IMMP2L: variants seen among roughly 807,000 people sequenced by gnomAD.
The protein encoded by IMMP2L is mitochondrial inner membrane protease subunit 2.
A neutral mutation model predicts 19.3 loss-of-function variants in IMMP2L; 18 were observed. The ratio of observed to expected loss-of-function variants is 0.93; its 90% CI spans 0.64 to 1.38. The LOEUF is 1.38. Ranked by LOEUF, IMMP2L falls within the 40% of genes most tolerant of loss-of-function variation. IMMP2L has a pLI of 0.00. For synonymous variants in IMMP2L, 76 were observed against 73.0 expected (o/e 1.04, Z -0.21); for missense variants, 233 against 218.2 (o/e 1.07, Z -0.43).
intron 2 of IMMP2L, among the ~76,000 whole-genome samples, chr7:111,492,819 A>C (rs961405527): frequency 6.6e-6 from 1 of 152,200 alleles, no homozygotes; most frequent in Admixed American, 6.5e-5. Flanking sequence ...GATTTTATAA[A>C]GGAAGCAACA....
chr7:111,017,065 C>CTTTATTTA (rs541160576), intron 3 of IMMP2L, among the ~76,000 whole-genome samples: 61 of 140,646 alleles, frequency 4.3e-4, no homozygotes, highest in South Asian at 6.5e-4. Flanking sequence ...ATATATGTGC[C>CTTTATTTA]TTTATTTATT....
chr7:110,991,123 T>A (rs530671019), intron 3 of IMMP2L, among the ~76,000 whole-genome samples: 3 of 152,284 alleles, frequency 2.0e-5, no homozygotes, highest in Admixed American at 6.5e-5. Flanking sequence ...TTTAGGATGA[T>A]CAATGCAAAG....
At chr7:111,241,067 C>G (rs780032590) in intron 3 of IMMP2L, among the ~76,000 whole-genome samples, 3 of 151,860 alleles carry the variant, frequency 2.0e-5, no homozygotes, top group Non-Finnish European at 4.4e-5. Flanking sequence ...TTTAAGATAA[C>G]AGTAACTTAG....
intron 5 of IMMP2L, among the ~76,000 whole-genome samples, chr7:110,859,048 G>A (rs541565811): frequency 6.6e-6 from 1 of 152,138 alleles, no homozygotes; most frequent in South Asian, 2.1e-4. Flanking sequence ...AAACAGATAA[G>A]CAACTGGTTG....
intron 3 of IMMP2L, among the ~76,000 whole-genome samples, chr7:111,023,202 T>C (rs1213955681): frequency 2.6e-5 from 4 of 152,204 alleles, no homozygotes; most frequent in African/African-American, 9.6e-5. Flanking sequence ...GCTTAACATC[T>C]GCAGTAATGT....
chr7:110,722,397 A>C (rs1584612961), intron 5 of IMMP2L, among the ~76,000 whole-genome samples: 1 of 152,098 alleles, frequency 6.6e-6, no homozygotes, highest in Admixed American at 6.6e-5. Flanking sequence ...TTAGAGGCAC[A>C]GGGAAGTTAA....
At chr7:111,445,073 C>T (rs977655046) in intron 3 of IMMP2L, among the ~76,000 whole-genome samples, 12 of 151,964 alleles carry the variant, frequency 7.9e-5, no homozygotes, top group African/African-American at 1.9e-4. Flanking sequence ...TAGATCTAAA[C>T]GTCCATAAAA....
chr7:111,113,490 CATAAAATCA>C (rs1215345372), intron 3 of IMMP2L, among the ~76,000 whole-genome samples: 3 of 151,996 alleles, frequency 2.0e-5, no homozygotes, highest in Admixed American at 2.0e-4. Context: ...TGTGCCTGTT[CATAAAATCA>C]ACTCAAGCTG....
intron 3 of IMMP2L, among the ~76,000 whole-genome samples, chr7:110,968,740 G>T (rs1819826032): frequency 6.6e-6 from 1 of 152,098 alleles, no homozygotes; most frequent in Non-Finnish European, 1.5e-5. Context: ...TTTCACAAAT[G>T]TGTAGTACCT....
chr7:110,866,051 T>C (rs1807947210), intron 5 of IMMP2L, among the ~76,000 whole-genome samples: 1 of 152,048 alleles, frequency 6.6e-6, no homozygotes, highest in Admixed American at 6.6e-5. Flanking sequence ...CAAACAGATT[T>C]CTATGACCTT....
At chr7:111,430,773 T>C (rs1166850854) in intron 3 of IMMP2L, among the ~76,000 whole-genome samples, 2 of 151,654 alleles carry the variant, frequency 1.3e-5, no homozygotes, top group Non-Finnish European at 2.9e-5. Flanking sequence ...TATTGTTTTC[T>C]CTTTTACCCA....
At chr7:110,994,630 C>G (rs1822846398) in intron 3 of IMMP2L, among the ~76,000 whole-genome samples, 1 of 152,142 alleles carries the variant, frequency 6.6e-6, no homozygotes, top group Admixed American at 6.6e-5. Context: ...AGCACATTCT[C>G]CTCCATGTCC....
At position 111,527,624 on chromosome 7, in the gene IMMP2L, C is replaced by G. The variant is rs181179672; in HGVS notation, c.-2-6175G>C. Among the ~76,000 whole-genome samples, 17 of 152,084 alleles carry G rather than the reference C, an allele frequency of 1.1e-4. 1 individual carries two copies. The highest frequency in any genetic ancestry group is 4.6e-4 in the Admixed American group (7 of 15,280). Reference sequence around the variant, plus strand: ...AGTATTGAAAATAAAAGAGAATTAACTTTTTTTAAACAACTGGTTAAAAGA... The same window carrying G: ...AGTATTGAAAATAAAAGAGAATTAAGTTTTTTTAAACAACTGGTTAAAAGA... On this transcript the variant is annotated intron_variant, in intron 1 of 5. Coordinates refer to ENST00000405709, the MANE Select transcript of IMMP2L (RefSeq NM_032549.4).
chr7:111,395,843 CAG>C (rs1481592668), intron 3 of IMMP2L, among the ~76,000 whole-genome samples: 4 of 151,994 alleles, frequency 2.6e-5, no homozygotes, highest in African/African-American at 9.7e-5. Flanking sequence ...TGCATATATC[CAG>C]AGTGTCTGAA....
chr7:111,524,152 A>G (rs886650045), intron 1 of IMMP2L, among the ~76,000 whole-genome samples: 7 of 152,074 alleles, frequency 4.6e-5, no homozygotes, highest in African/African-American at 1.7e-4. Flanking sequence ...GTCTCTCTGA[A>G]AACACTTCTA....
Position 110,760,431 on chromosome 7 carries a change from GT to G in IMMP2L, c.409-96711del, listed in dbSNP as rs1371830396. Among the ~76,000 whole-genome samples the G allele has an allele frequency of 6.6e-6, 1 of 152,082 alleles. No homozygotes were observed. The highest frequency in any genetic ancestry group is 1.5e-5 in the Non-Finnish European group (1 of 68,008). ...AAGCTGATGTTTTCCATTATCAGTT[GT>G]TTGTTTAGGTAAATTACATTAAAGG... On this transcript the variant is annotated intron_variant, in intron 5 of 5. Transcript: ENST00000405709. The surrounding 1 kb of genome is among the most constrained non-coding windows in gnomAD (Gnocchi z 4.2).
At chr7:111,354,408 C>T (rs1365816398) in intron 3 of IMMP2L, among the ~76,000 whole-genome samples, 3 of 151,384 alleles carry the variant, frequency 2.0e-5, no homozygotes, top group Admixed American at 1.3e-4. Context: ...CAACCGACAA[C>T]GAAAATAAAG....
chr7:111,301,711 T>C (rs1822256396), intron 3 of IMMP2L, among the ~76,000 whole-genome samples: 2 of 151,998 alleles, frequency 1.3e-5, no homozygotes, highest in African/African-American at 4.8e-5. Flanking sequence ...TTGAAATTTC[T>C]AACCTTCCTC....
chr7:111,357,329 ATT>A (rs937755701), intron 3 of IMMP2L, among the ~76,000 whole-genome samples: 12 of 152,080 alleles, frequency 7.9e-5, no homozygotes, highest in Admixed American at 1.3e-4. Context: ...AACAATAACA[ATT>A]TTCTTTAAAT....
Sources: allele counts gnomAD v4.1 joint callset (sites outside exome capture counted in the v4.1 genomes callset), GRCh38; gene constraint gnomAD v4.1.1; non-coding constraint Gnocchi (gnomAD v3.1); transcripts MANE v1.5; gene names NCBI Gene and HGNC (gene_info 2026-07-23, HGNC 2026-07-21).